Variants in SGCZ observed in about 807,000 individuals in gnomAD.
SGCZ encodes the protein zeta-sarcoglycan.
A neutral mutation model predicts 41.3 loss-of-function variants in SGCZ; 40 were observed. The observed-to-expected ratio is 0.97, with a 90% CI of 0.75 to 1.26. SGCZ has a LOEUF of 1.26. Among genes scored for constraint, SGCZ ranks in the 50% most tolerant of loss-of-function variants. SGCZ has a pLI of 0.00. For missense variants in SGCZ, 552 were observed against 369.8 expected (o/e 1.49, Z -4.04); for synonymous variants, 206 against 137.5 (o/e 1.50, Z -3.49).
intron 3 of SGCZ, among the ~76,000 whole-genome samples, chr8:14,243,271 T>C (rs1173223669): frequency 2.6e-5 from 4 of 152,168 alleles, no homozygotes; most frequent in Non-Finnish European, 5.9e-5. Flanking sequence ...GGGATGGAAA[T>C]ATAGAATTTG....
intron 1 of SGCZ, among the ~76,000 whole-genome samples, chr8:14,589,147 C>A (rs191725206): frequency 1.3e-5 from 2 of 152,068 alleles, no homozygotes; most frequent in African/African-American, 2.4e-5. Context: ...AACAAACCTG[C>A]ACGTTGTGCA....
At chr8:14,566,646 G>A (rs942587151) in intron 1 of SGCZ, among the ~76,000 whole-genome samples, 2 of 152,362 alleles carry the variant, frequency 1.3e-5, no homozygotes, top group East Asian at 1.9e-4. Context: ...GATAGTGAGA[G>A]GTGACAGCAT....
chr8:14,674,173 T>C (rs1019894478), intron 1 of SGCZ, among the ~76,000 whole-genome samples: 1 of 151,918 alleles, frequency 6.6e-6, no homozygotes, highest in Non-Finnish European at 1.5e-5. Context: ...GCTTAGCTAA[T>C]TTTTAAAAGA....
intron 1 of SGCZ, among the ~76,000 whole-genome samples, chr8:15,103,589 T>C (rs1806700024): frequency 6.6e-6 from 1 of 152,064 alleles, no homozygotes. Context: ...TAAAGGAGTC[T>C]AAGCCAAGTC....
At chr8:14,546,302 G>A (rs906937305) in intron 2 of SGCZ, among the ~76,000 whole-genome samples, 13 of 152,196 alleles carry the variant, frequency 8.5e-5, no homozygotes, top group African/African-American at 2.2e-4. Flanking sequence ...GAATGAATTC[G>A]GAAAATGGAA....
intron 1 of SGCZ, among the ~76,000 whole-genome samples, chr8:15,206,405 G>T (rs1484006128): frequency 3.3e-5 from 5 of 150,892 alleles, no homozygotes; most frequent in African/African-American, 1.2e-4. Context: ...GTCATTTTAA[G>T]AAGAAAAATA....
intron 1 of SGCZ, among the ~76,000 whole-genome samples, chr8:15,057,951 G>A (rs1804775369): frequency 6.6e-6 from 1 of 152,172 alleles, no homozygotes; most frequent in Non-Finnish European, 1.5e-5. Context: ...CTTGCCATAA[G>A]ACACCTGAGC....
intron 1 of SGCZ, among the ~76,000 whole-genome samples, chr8:14,628,860 G>T (rs1465860079): frequency 6.6e-6 from 1 of 152,000 alleles, no homozygotes; most frequent in Admixed American, 6.6e-5. Context: ...TGGACCTTTT[G>T]GTGTGGTTCT....
intron 2 of SGCZ, among the ~76,000 whole-genome samples, chr8:14,365,063 A>G (rs1007039199): frequency 6.6e-6 from 1 of 152,026 alleles, no homozygotes; most frequent in Non-Finnish European, 1.5e-5. Flanking sequence ...TTTAAGTAAT[A>G]AGCAATTTTT....
intron 1 of SGCZ, among the ~76,000 whole-genome samples, chr8:15,082,383 C>CATAT (rs369888582): frequency 6.6e-6 from 1 of 150,574 alleles, no homozygotes; most frequent in East Asian, 2.0e-4. Flanking sequence ...TTAACAGATA[C>CATAT]ATATATATAT....
intron 1 of SGCZ, among the ~76,000 whole-genome samples, chr8:15,123,130 G>A (rs910559785): frequency 1.3e-5 from 2 of 152,084 alleles, no homozygotes; most frequent in African/African-American, 4.8e-5. Context: ...AGGGCTCACC[G>A]TCATGACACT....
At position 14,609,654 on chromosome 8, in the gene SGCZ, G is replaced by A. The variant is rs117392248; in HGVS notation, c.40-54728C>T. Among the ~76,000 whole-genome samples the A allele has an allele frequency of 2.1e-3, 313 of 152,242 alleles. 2 individuals carry two copies. Among genetic ancestry groups the A allele is most frequent in the Non-Finnish European group, 2.4e-3 (162 of 67,996 alleles). The stretch of plus-strand genomic sequence containing the variant: ...ACACATCATTCTAAAAGCTGGAGGG[G>A]ACCAAGGGAGAGGGAAGGAGATGCC... On this transcript the variant is annotated intron_variant, in intron 1 of 7. Coordinates refer to ENST00000382080, the MANE Select transcript of SGCZ (RefSeq NM_139167.4).
intron 1 of SGCZ, among the ~76,000 whole-genome samples, chr8:14,704,401 C>A (rs1434103319): frequency 1.3e-5 from 2 of 151,910 alleles, no homozygotes. Flanking sequence ...CTTTTAAAGT[C>A]ATTCTTTTAT....
chr8:15,163,653 C>T (rs951241520), intron 1 of SGCZ, among the ~76,000 whole-genome samples: 2 of 152,112 alleles, frequency 1.3e-5, no homozygotes, highest in Non-Finnish European at 2.9e-5. Context: ...TAACTAATGT[C>T]GACTTATTTG....
In SGCZ at chr8:14,243,273, T is replaced by C. The variant is rs550987994; in HGVS notation, c.337-5594A>G. ...AATTTTCTTCTCAGGGATGGAAATA[T>C]AGAATTTGCCAACAAATCTACCTTA... On this transcript the variant is annotated intron_variant, in intron 3 of 7. Coordinates refer to ENST00000382080, the MANE Select transcript of SGCZ (RefSeq NM_139167.4). Among the ~76,000 whole-genome samples, 13 of 152,330 alleles carry C rather than the reference T, an allele frequency of 8.5e-5. No homozygotes were observed. In the South Asian group the frequency reaches 1.5e-3, roughly 17 times the overall value.
chr8:14,908,489 C>T (rs548781565), intron 1 of SGCZ, among the ~76,000 whole-genome samples: 1 of 152,076 alleles, frequency 6.6e-6, no homozygotes, highest in Non-Finnish European at 1.5e-5. Context: ...CACTGGCTCA[C>T]GCCTGTAATC....
At chr8:14,166,780 C>CTGT (rs1351214824) in intron 4 of SGCZ, among the ~76,000 whole-genome samples, 1 of 151,598 alleles carries the variant, frequency 6.6e-6, no homozygotes, top group African/African-American at 2.4e-5. Flanking sequence ...GACATATAAA[C>CTGT]TGTTAGAAAA....
intron 5 of SGCZ, among the ~76,000 whole-genome samples, chr8:14,152,376 A>T (rs1803736975): frequency 1.3e-5 from 2 of 152,228 alleles, no homozygotes; most frequent in Admixed American, 1.3e-4. Context: ...AACTAAAAGC[A>T]CAATGAGTTA....
intron 1 of SGCZ, among the ~76,000 whole-genome samples, chr8:14,792,896 A>C (rs957325623): frequency 6.6e-6 from 1 of 152,128 alleles, no homozygotes; most frequent in Non-Finnish European, 1.5e-5. Context: ...GGTATCAAGA[A>C]GCTTCATGGT....
Sources: gnomAD v4.1 joint callset for allele counts (sites outside exome capture counted in the v4.1 genomes callset) on GRCh38, gnomAD v4.1.1 for gene constraint, MANE v1.5 for transcripts, NCBI Gene and HGNC (gene_info 2026-07-23, HGNC 2026-07-21) for gene names.